PCDHGA1: variants seen among roughly 807,000 people sequenced by gnomAD.
PCDHGA1 encodes protocadherin gamma subfamily A, 1, also known as protocadherin gamma-A1.
In PCDHGA1, 32 loss-of-function variants were observed where a neutral mutation model predicts 58.0. That is an observed-to-expected ratio of 0.55 (90% CI 0.42 to 0.74). The LOEUF is 0.74. Among genes scored for constraint, PCDHGA1 ranks in the 30% least tolerant of loss-of-function variants. PCDHGA1 has a pLI of 0.00. For synonymous variants in PCDHGA1, 498 were observed against 501.1 expected (o/e 0.99, Z 0.08); for missense variants, 1,205 against 1,182.3 (o/e 1.02, Z -0.28).
At chr5:141,420,811 CT>C (rs2096526727) in intron 1 of PCDHGA1, among the ~76,000 whole-genome samples, 1 of 152,214 alleles carries the variant, frequency 6.6e-6, no homozygotes, top group Admixed American at 6.5e-5. Flanking sequence ...TAAGCAAGCC[CT>C]TTTAATAATT....
intron 1 of PCDHGA1, chr5:141,416,995 T>G (rs912921234): frequency 2.0e-5 from 3 of 151,486 alleles, no homozygotes; most frequent in Non-Finnish European, 2.9e-5. Flanking sequence ...TGTGCATTCA[T>G]CTCAAATAAT....
intron 1 of PCDHGA1, chr5:141,341,362 A>T: frequency 1.2e-6 from 2 of 1,614,184 alleles, no homozygotes; most frequent in African/African-American, 2.7e-5. Flanking sequence ...CTCAATCTCT[A>T]CTCGAAGAAG....
At chr5:141,450,453 C>T (rs1202828231) in intron 1 of PCDHGA1, among the ~76,000 whole-genome samples, 3 of 152,058 alleles carry the variant, frequency 2.0e-5, no homozygotes, top group East Asian at 1.9e-4. Flanking sequence ...TATGTTTCCT[C>T]GTGATTTTAT....
chr5:141,445,991 T>C (rs532620580), intron 1 of PCDHGA1, among the ~76,000 whole-genome samples: 147 of 152,168 alleles, frequency 9.7e-4, no homozygotes, highest in Admixed American at 3.4e-3. Context: ...TAAATAGAAA[T>C]AGGAAGATAA....
intron 1 of PCDHGA1, among the ~76,000 whole-genome samples, chr5:141,347,259 T>A (rs1250301636): frequency 6.6e-6 from 1 of 151,768 alleles, no homozygotes; most frequent in East Asian, 1.9e-4. Flanking sequence ...ACTCAAGTGA[T>A]CCTCCCACCT....
rs368564960 is a variant in PCDHGA1 at position 141,408,437 on chromosome 5, G to T, written c.2421+75332G>T. Reference sequence around the variant, plus strand: ...GGAGAAGCTGCACTTCAGCGTAGACGCGGAGAGCGGGGACTTACTTGTGAA... The same window carrying T: ...GGAGAAGCTGCACTTCAGCGTAGACTCGGAGAGCGGGGACTTACTTGTGAA... On this transcript the variant is annotated intron_variant, in intron 1 of 3. Transcript: ENST00000517417. The T allele has an allele frequency of 1.3e-5, 21 of 1,613,950 alleles. No homozygotes were observed. Among genetic ancestry groups the T allele is most frequent in the Non-Finnish European group, 1.6e-5 (19 of 1,179,918 alleles).
chr5:141,376,609 C>A, intron 1 of PCDHGA1: 3 of 1,478,318 alleles, frequency 2.0e-6, no homozygotes, highest in Non-Finnish European at 2.8e-6. Flanking sequence ...AGAAGCGAAC[C>A]TCTTTTGGTA....
Position 141,332,768 on chromosome 5 carries a change from T to A in PCDHGA1, c.2084T>A (p.Val695Glu). The change falls in exon 1 of 4, where the codon GTG (valine) becomes GAG (glutamate). Residue 695 changes from valine to glutamate, a missense_variant. Physicochemically the swap from Val to Glu is moderately radical, Grantham distance 121. Coordinates refer to ENST00000517417, the MANE Select transcript of PCDHGA1 (RefSeq NM_018912.3). The surrounding 1 kb of genome is among the most constrained non-coding windows in gnomAD (Gnocchi z 4.6). ...NDSDLTLYLV[V>E]AAAAVSCVFL... ...TCGGACCTCACTCTGTACCTGGTGG[T>A]GGCGGCGGCCGCGGTCTCCTGCGTC... The A allele has an allele frequency of 1.2e-6, 2 of 1,614,084 alleles. No homozygotes were observed. The highest frequency in any genetic ancestry group is 1.7e-6 in the Non-Finnish European group (2 of 1,179,984).
intron 1 of PCDHGA1, among the ~76,000 whole-genome samples, chr5:141,464,301 T>A (rs1237581605): frequency 6.6e-6 from 1 of 150,782 alleles, no homozygotes; most frequent in Non-Finnish European, 1.5e-5. Flanking sequence ...CTCCATTGTA[T>A]GTGCACATAT....
rs942270362 is a variant in PCDHGA1 at position 141,394,773 on chromosome 5, C to T, written c.2421+61668C>T. On this transcript the variant is annotated intron_variant, in intron 1 of 3. Coordinates refer to ENST00000517417, the MANE Select transcript of PCDHGA1 (RefSeq NM_018912.3). ...CGTCCAGGACCATGGCCAGCCCCCT[C>T]TCTCCGCCACTGTCACGCTCACCGT... 4.3e-5 allele frequency: 70 copies of T among 1,613,400 alleles called. No homozygotes were observed. The highest frequency in any genetic ancestry group is 5.6e-5 in the Non-Finnish European group (66 of 1,179,978).
At chr5:141,422,636 C>T in intron 1 of PCDHGA1, 3 of 1,612,584 alleles carry the variant, frequency 1.9e-6, no homozygotes, top group Non-Finnish European at 2.5e-6. Context: ...CCCAGGGGTG[C>T]CTCCATCTTC....
intron 1 of PCDHGA1, chr5:141,375,618 G>A (rs1771662447): frequency 6.2e-7 from 1 of 1,614,078 alleles, no homozygotes; most frequent in Non-Finnish European, 8.5e-7. Context: ...TCCGACACTG[G>A]GATTCTGTAC....
chr5:141,345,360 A>G, intron 1 of PCDHGA1: 1 of 1,614,062 alleles, frequency 6.2e-7, no homozygotes, highest in Non-Finnish European at 8.5e-7. Flanking sequence ...CCTGCATGTG[A>G]TTGACATCAA....
At chr5:141,422,144 G>T in intron 1 of PCDHGA1, 1 of 1,583,520 alleles carries the variant, frequency 6.3e-7, no homozygotes, top group Non-Finnish European at 8.5e-7. Context: ...CAAGTACGGG[G>T]GTCTCTGGAT....
rs773840884 is a variant in PCDHGA1 at position 141,372,185 on chromosome 5, C to A, written c.2421+39080C>A. 4 of 1,613,630 alleles carry A rather than the reference C, an allele frequency of 2.5e-6. No individual in the cohort carries two copies. The South Asian group carries it at 4.4e-5, about 18-fold the overall frequency. The stretch of plus-strand genomic sequence containing the variant: ...CCAAGGTGGTGGCGGTGGACGCAGA[C>A]TCGGGATACAACGCCTGGCTGTCCT... On this transcript the variant is annotated intron_variant, in intron 1 of 3. Transcript: ENST00000517417.
chr5:141,490,061 A>T lies in PCDHGA1; in HGVS notation c.2422-4746A>T. The stretch of plus-strand genomic sequence containing the variant: ...GCCACTGATCCAGACGAGGGCACCA[A>T]CGGCCAACTAGACTATTCTTTTGGA... On this transcript the variant is annotated intron_variant, in intron 1 of 3. Transcript: ENST00000517417. This position sits in a 1 kb window ranked among gnomAD's most constrained non-coding sequence, Gnocchi z 5.4. 1 of 1,614,214 alleles carries T rather than the reference A, an allele frequency of 6.2e-7. No homozygotes were observed. The highest frequency in any genetic ancestry group is 8.5e-7 in the Non-Finnish European group (1 of 1,180,030).
intron 1 of PCDHGA1, chr5:141,419,136 A>G: frequency 1.9e-6 from 3 of 1,613,918 alleles, no homozygotes; most frequent in Non-Finnish European, 1.7e-6. Context: ...GCAGCCACAG[A>G]CAGGGGCAAG....
At chr5:141,438,548 C>T (rs1423036586) in intron 1 of PCDHGA1, among the ~76,000 whole-genome samples, 2 of 135,792 alleles carry the variant, frequency 1.5e-5, no homozygotes, top group Non-Finnish European at 3.1e-5. Context: ...ATATCTAAGC[C>T]CTAATAAGAG....
chr5:141,361,722 G>T lies in PCDHGA1; in HGVS notation c.2421+28617G>T, dbSNP rs1055343952. 6 of 1,613,196 alleles carry T rather than the reference G, an allele frequency of 3.7e-6. No homozygotes were observed. Among genetic ancestry groups the T allele is most frequent in the Non-Finnish European group, 4.2e-6 (5 of 1,179,854 alleles). On this transcript the variant is annotated intron_variant, in intron 1 of 3. Coordinates refer to ENST00000517417, the MANE Select transcript of PCDHGA1 (RefSeq NM_018912.3). ...ATCATGAGCAGCTGCGCGCCTTCGA[G>T]CTCACACTGCAGGCCCGCGACCAGG...
Sources: gnomAD v4.1 joint callset for allele counts (sites outside exome capture counted in the v4.1 genomes callset) on GRCh38, gnomAD v4.1.1 for gene constraint, Gnocchi (gnomAD v3.1) non-coding constraint, MANE v1.5 for transcripts, NCBI Gene and HGNC (gene_info 2026-07-23, HGNC 2026-07-21) for gene names.